The following CADM2 variants were observed in gnomAD, a reference collection of about 807,000 sequenced individuals.
The protein encoded by CADM2 is cell adhesion molecule 2, also known as immunoglobulin superfamily member 4D.
Under a neutral mutation model 49.8 loss-of-function variants are expected in CADM2, and 12 were observed. The ratio of observed to expected loss-of-function variants is 0.24; its 90% confidence interval spans 0.15 to 0.39. The LOEUF (loss-of-function observed/expected upper bound fraction) is 0.39, where lower values mean the gene tolerates loss of function less well. Among genes scored for constraint, CADM2 ranks in the 10% least tolerant of loss-of-function variants. The pLI, the probability that CADM2 is intolerant of heterozygous loss-of-function variation, is 1.00. For missense variants in CADM2, 378 were observed against 492.3 expected (o/e 0.77, Z 2.20); for synonymous variants, 214 against 175.4 (o/e 1.22, Z -1.74).
chr3:85,446,266 C>T (rs2037445727), intron 1 of CADM2, among the ~76,000 whole-genome samples: 1 of 152,108 alleles, frequency 6.6e-6, no homozygotes, highest in African/African-American at 2.4e-5. Context: ...AAGGTGTAAT[C>T]TGAGCCTGGG....
At chr3:85,927,420 A>G (rs1367975308) in intron 6 of CADM2, among the ~76,000 whole-genome samples, 2 of 152,136 alleles carry the variant, frequency 1.3e-5, no homozygotes, top group Non-Finnish European at 2.9e-5. Context: ...CGCAATATGA[A>G]TGTCACAATG....
At chr3:85,154,043 C>A (rs567871468) in intron 1 of CADM2, among the ~76,000 whole-genome samples, 2 of 152,202 alleles carry the variant, frequency 1.3e-5, no homozygotes, top group African/African-American at 4.8e-5. Context: ...TCTCCTCCTC[C>A]AAAGGAACAC....
At chr3:85,290,203 T>C (rs2043747948) in intron 1 of CADM2, among the ~76,000 whole-genome samples, 1 of 152,082 alleles carries the variant, frequency 6.6e-6, no homozygotes, top group Non-Finnish European at 1.5e-5. Flanking sequence ...ATCGGGTCAC[T>C]CCCACCCGAA....
intron 1 of CADM2, among the ~76,000 whole-genome samples, chr3:85,172,553 T>C (rs2040656352): frequency 6.6e-6 from 1 of 152,036 alleles, no homozygotes; most frequent in Non-Finnish European, 1.5e-5. Flanking sequence ...AGGGCAACAA[T>C]GTGAGCAAAG....
chr3:85,945,799 A>G (rs1168288789), intron 7 of CADM2, among the ~76,000 whole-genome samples: 1 of 152,134 alleles, frequency 6.6e-6, no homozygotes. Flanking sequence ...AGAGCTATTT[A>G]TGACAAAACC....
intron 3 of CADM2, among the ~76,000 whole-genome samples, chr3:85,846,059 T>C (rs1053616793): frequency 3.3e-5 from 5 of 152,144 alleles, no homozygotes; most frequent in Admixed American, 3.3e-4. Context: ...GGCCAATCTT[T>C]TCATAGGAGA....
intron 2 of CADM2, among the ~76,000 whole-genome samples, chr3:85,797,519 T>G (rs540109291): frequency 6.6e-6 from 1 of 152,276 alleles, no homozygotes; most frequent in African/African-American, 2.4e-5. Flanking sequence ...TTTGGTTTTG[T>G]GTTTCTGTGT....
intron 1 of CADM2, among the ~76,000 whole-genome samples, chr3:85,196,589 A>G (rs1400833345): frequency 1.3e-5 from 2 of 152,020 alleles, no homozygotes; most frequent in Non-Finnish European, 2.9e-5. Flanking sequence ...TTTATTCTAG[A>G]AAAGATAAAG....
intron 2 of CADM2, among the ~76,000 whole-genome samples, chr3:85,795,572 C>T (rs1381627712): frequency 1.3e-5 from 2 of 151,966 alleles, no homozygotes; most frequent in Non-Finnish European, 2.9e-5. Flanking sequence ...CCTGGAAGAA[C>T]GAGGTATAGG....
intron 1 of CADM2, among the ~76,000 whole-genome samples, chr3:85,006,940 C>T (rs1361511274): frequency 1.3e-5 from 2 of 151,902 alleles, no homozygotes; most frequent in Non-Finnish European, 2.9e-5. Flanking sequence ...ATTGATTATC[C>T]CTTAGGGTAT....
At chr3:86,003,640 A>G (rs1730439411) in intron 8 of CADM2, among the ~76,000 whole-genome samples, 1 of 152,244 alleles carries the variant, frequency 6.6e-6, no homozygotes, top group Admixed American at 6.5e-5. Flanking sequence ...ACTGAGAAAT[A>G]TATCCACTGT....
intron 1 of CADM2, among the ~76,000 whole-genome samples, chr3:85,662,233 G>GTTT (rs5850709): frequency 9.5e-5 from 13 of 137,246 alleles, no homozygotes; most frequent in East Asian, 2.1e-4. Flanking sequence ...GTATAGGTGG[G>GTTT]TTTTTTTTTT....
intron 7 of CADM2, among the ~76,000 whole-genome samples, chr3:85,946,640 C>G (rs1477836213): frequency 1.3e-5 from 2 of 152,022 alleles, no homozygotes; most frequent in African/African-American, 4.8e-5. Flanking sequence ...GAGATAATAC[C>G]TCACATCTAC....
intron 1 of CADM2, among the ~76,000 whole-genome samples, chr3:85,061,242 A>G (rs757190449): frequency 2.0e-5 from 3 of 152,152 alleles, no homozygotes; most frequent in Non-Finnish European, 4.4e-5. Flanking sequence ...TTGTCAATAA[A>G]AACATAGAAT....
chr3:85,034,015 A>G (rs1342796676), intron 1 of CADM2, among the ~76,000 whole-genome samples: 1 of 152,126 alleles, frequency 6.6e-6, no homozygotes, highest in African/African-American at 2.4e-5. Flanking sequence ...GTATATATTT[A>G]TGGAGTACAA....
At chr3:85,135,033 CAAAA>C (rs1003697927) in intron 1 of CADM2, among the ~76,000 whole-genome samples, 4 of 150,944 alleles carry the variant, frequency 2.6e-5, no homozygotes, top group Non-Finnish European at 4.4e-5. Flanking sequence ...TAATTTTTAA[CAAAA>C]AAAGCAATGT....
At chr3:85,065,064 GATTGTAAA>G (rs543596147) in intron 1 of CADM2, among the ~76,000 whole-genome samples, 12 of 152,010 alleles carry the variant, frequency 7.9e-5, no homozygotes, top group Non-Finnish European at 1.5e-4. Flanking sequence ...ACACAACAGG[GATTGTAAA>G]ATTTCTTTTT....
intron 1 of CADM2, among the ~76,000 whole-genome samples, chr3:85,244,130 T>C (rs2042594780): frequency 6.6e-6 from 1 of 152,140 alleles, no homozygotes; most frequent in East Asian, 1.9e-4. Context: ...ATTTGGATTT[T>C]ATTTTACATA....
chr3:85,433,177 A>G (rs972782798), intron 1 of CADM2, among the ~76,000 whole-genome samples: 1 of 152,040 alleles, frequency 6.6e-6, no homozygotes, highest in Admixed American at 6.6e-5. Flanking sequence ...TAAAGCTAAT[A>G]AAATATTAAA....
Sources: allele counts gnomAD v4.1 joint callset (sites outside exome capture counted in the v4.1 genomes callset), GRCh38; gene constraint gnomAD v4.1.1; transcripts MANE v1.5; gene names NCBI Gene and HGNC (gene_info 2026-07-23, HGNC 2026-07-21).